Variants in CORIN observed in about 807,000 individuals in gnomAD.
CORIN encodes corin, serine peptidase, also known as atrial natriuretic peptide-converting enzyme.
A neutral mutation model predicts 125.3 loss-of-function variants in CORIN; 117 were observed. The ratio of observed to expected loss-of-function variants is 0.93; its 90% CI spans 0.80 to 1.09. The LOEUF is 1.09. CORIN is among the 50% of genes least tolerant of loss of function. The probability of loss-of-function intolerance (pLI) is 0.00; values close to 1 mark genes in which losing one functional copy is unlikely to be tolerated. For synonymous variants in CORIN, 450 were observed against 466.4 expected (o/e 0.96, Z 0.45); for missense variants, 1,253 against 1,306.7 (o/e 0.96, Z 0.63).
chr4:47,745,615 C>T (rs1728629913), intron 4 of CORIN, among the ~76,000 whole-genome samples: 1 of 152,142 alleles, frequency 6.6e-6, no homozygotes, highest in Non-Finnish European at 1.5e-5. Context: ...GAATAGAATC[C>T]TGGTGTTTCA....
chr4:47,776,416 C>G (rs1358985992), intron 3 of CORIN, among the ~76,000 whole-genome samples: 1 of 152,044 alleles, frequency 6.6e-6, no homozygotes, highest in African/African-American at 2.4e-5. Context: ...GCCACCACAC[C>G]CAACCAGGTC....
At chr4:47,777,944 C>T (rs1730371066) in intron 3 of CORIN, among the ~76,000 whole-genome samples, 1 of 152,204 alleles carries the variant, frequency 6.6e-6, no homozygotes, top group African/African-American at 2.4e-5. Flanking sequence ...AGATTACATA[C>T]AGTGCCAATT....
chr4:47,597,568 A>G (rs919663159), intron 21 of CORIN, among the ~76,000 whole-genome samples: 2 of 152,190 alleles, frequency 1.3e-5, no homozygotes, highest in Admixed American at 1.3e-4. Flanking sequence ...CTTAGACGAA[A>G]AAGAAAAATT....
chr4:47,728,338 A>G (rs1727694833), intron 5 of CORIN, among the ~76,000 whole-genome samples: 1 of 152,204 alleles, frequency 6.6e-6, no homozygotes, highest in Non-Finnish European at 1.5e-5. Context: ...AAAGACATAG[A>G]TAGTATCCTT....
intron 1 of CORIN, among the ~76,000 whole-genome samples, chr4:47,812,920 C>G (rs1377866655): frequency 6.6e-6 from 1 of 152,152 alleles, no homozygotes; most frequent in Admixed American, 6.5e-5. Flanking sequence ...ATCCAAAAAT[C>G]CTTCAAGTAG....
chr4:47,822,847 C>T lies in CORIN; in HGVS notation c.63+15040G>A, dbSNP rs142091361. ...TTTTTTTTTTTTTGAGAGGGAGTCT[C>T]GCTCTGATGCCAGGCTGGAGTGCAG... is the stretch of plus-strand genomic sequence containing the variant. On this transcript the variant is annotated intron_variant, in intron 1 of 21. Transcript: ENST00000273857. 1.7e-3 allele frequency among the ~76,000 whole-genome samples: 249 copies of T among 149,904 alleles called. 1 individual carries two copies. Among genetic ancestry groups the T allele is most frequent in the East Asian group, 7.0e-3 (36 of 5,116 alleles).
intron 2 of CORIN, among the ~76,000 whole-genome samples, chr4:47,797,324 C>G (rs1318178436): frequency 6.6e-6 from 1 of 151,328 alleles, no homozygotes; most frequent in Non-Finnish European, 1.5e-5. Context: ...TCAAAGTACT[C>G]TATGGCATAA....
intron 12 of CORIN, among the ~76,000 whole-genome samples, chr4:47,655,515 G>A (rs1194994464): frequency 6.6e-6 from 1 of 152,162 alleles, no homozygotes; most frequent in Non-Finnish European, 1.5e-5. Context: ...TGGGCCTTGA[G>A]TGAACACTTG....
rs57326291 is a variant in CORIN at position 47,672,057 on chromosome 4, A to G, written c.1357+2336T>C. 8.0e-3 allele frequency among the ~76,000 whole-genome samples: 1,212 copies of G among 152,314 alleles called. 14 individuals are homozygous for G. Among genetic ancestry groups the G allele is most frequent in the African/African-American group, 0.027 (1,126 of 41,562 alleles). On this transcript the variant is annotated intron_variant, in intron 10 of 21. Coordinates refer to ENST00000273857, the MANE Select transcript of CORIN (RefSeq NM_006587.4). ...GGTGACACAGTGAGACACTAGGTAA[A>G]CTGAGTGTATTTAAAGAGCTTAAAG...
intron 19 of CORIN, among the ~76,000 whole-genome samples, chr4:47,622,005 C>CCCCCCCCG (rs1722336968): frequency 2.8e-5 from 3 of 107,934 alleles, no homozygotes; most frequent in Admixed American, 1.0e-4. Flanking sequence ...CCCCCTCCCC[C>CCCCCCCCG]CACCCCACAA....
At chr4:47,650,142 G>A (rs1723675769) in intron 13 of CORIN, among the ~76,000 whole-genome samples, 1 of 152,140 alleles carries the variant, frequency 6.6e-6, no homozygotes, top group Non-Finnish European at 1.5e-5. Context: ...AAATGGCTCA[G>A]GTTATATTTA....
chr4:47,665,656 CTAAT>C (rs1043354308), intron 10 of CORIN, among the ~76,000 whole-genome samples: 31 of 152,292 alleles, frequency 2.0e-4, no homozygotes, highest in African/African-American at 7.0e-4. Flanking sequence ...TGTCACTAAA[CTAAT>C]TAATGAATTT....
intron 9 of CORIN, among the ~76,000 whole-genome samples, chr4:47,676,251 C>T (rs1725012134): frequency 6.6e-6 from 1 of 152,186 alleles, no homozygotes; most frequent in Non-Finnish European, 1.5e-5. Context: ...TCTCAGCTCT[C>T]TAATCACAAT....
chr4:47,660,603 A>G (rs923427509), intron 12 of CORIN, among the ~76,000 whole-genome samples: 4 of 152,336 alleles, frequency 2.6e-5, no homozygotes, highest in East Asian at 1.9e-4. Flanking sequence ...TATCAGATAA[A>G]TGCAAATCAA....
intron 16 of CORIN, among the ~76,000 whole-genome samples, chr4:47,635,657 T>A: frequency 6.6e-6 from 1 of 152,006 alleles, no homozygotes. Flanking sequence ...CAGGTCAGAG[T>A]AAGAAATCAG....
At chr4:47,747,536 A>G (rs767695740) in intron 4 of CORIN, among the ~76,000 whole-genome samples, 1 of 151,950 alleles carries the variant, frequency 6.6e-6, no homozygotes, top group Non-Finnish European at 1.5e-5. Context: ...ATTTCATTTT[A>G]TTTATCATTC....
chr4:47,693,003 C>A lies in CORIN; in HGVS notation c.880G>T (p.Asp294Tyr). 6.2e-7 allele frequency: 1 copy of A among 1,613,806 alleles called. No individual in the cohort carries two copies. The highest frequency in any genetic ancestry group is 8.5e-7 in the Non-Finnish European group (1 of 1,179,804). Residue 294 changes from aspartate (D) to tyrosine (Y), a missense_variant, in exon 6 of 22, where the codon GAC becomes TAC. Asp to Tyr is a radical substitution (Grantham distance 160, BLOSUM62 -3). Coordinates refer to ENST00000273857, the MANE Select transcript of CORIN (RefSeq NM_006587.4). ...PGKLQCNGYN[D>Y]CDDWSDEAHC... ...GCCTCGTCACTCCAGTCGTCACAGT[C>A]GTTGTAGCCATTACATTGCAGTTTC...
chr4:47,712,120 T>C (rs931257464), intron 5 of CORIN, among the ~76,000 whole-genome samples: 2 of 152,230 alleles, frequency 1.3e-5, no homozygotes, highest in Non-Finnish European at 2.9e-5. Context: ...CAATTAAGCA[T>C]AGCATCTGAT....
chr4:47,802,389 A>T (rs1188216615), intron 2 of CORIN, among the ~76,000 whole-genome samples: 2 of 152,128 alleles, frequency 1.3e-5, no homozygotes, highest in African/African-American at 4.8e-5. Context: ...ACTGTCCTGA[A>T]GAGTGAGTCC....
Sources: allele counts gnomAD v4.1 joint callset (sites outside exome capture counted in the v4.1 genomes callset), GRCh38; gene constraint gnomAD v4.1.1; transcripts MANE v1.5; gene names NCBI Gene and HGNC (gene_info 2026-07-23, HGNC 2026-07-21).